Variants in TACR1 observed in about 807,000 individuals in gnomAD.
TACR1 encodes tachykinin receptor 1, also known as substance-P receptor.
A neutral mutation model predicts 35.8 loss-of-function variants in TACR1; 25 were observed. That is an observed-to-expected ratio of 0.70 (90% confidence interval 0.51 to 0.98). TACR1 has a LOEUF of 0.98. Ranked by LOEUF, TACR1 falls within the 50% of genes least tolerant of loss-of-function variation. The pLI is 0.00. For synonymous variants in TACR1, 195 were observed against 206.7 expected (o/e 0.94, Z 0.48); for missense variants, 478 against 522.9 (o/e 0.91, Z 0.84).
At chr2:75,077,412 G>A (rs1378542912) in intron 2 of TACR1, among the ~76,000 whole-genome samples, 1 of 152,192 alleles carries the variant, frequency 6.6e-6, no homozygotes, top group African/African-American at 2.4e-5. Flanking sequence ...GACACCTCCA[G>A]TAAGAAGTTA....
chr2:75,172,565 G>A (rs950078508), intron 1 of TACR1, among the ~76,000 whole-genome samples: 1 of 151,780 alleles, frequency 6.6e-6, no homozygotes, highest in African/African-American at 2.4e-5. Flanking sequence ...TCCCTTCCCT[G>A]TCTTCTCCTT....
intron 1 of TACR1, among the ~76,000 whole-genome samples, chr2:75,143,949 G>A (rs186938126): frequency 3.9e-5 from 6 of 152,300 alleles, no homozygotes; most frequent in South Asian, 2.1e-4. Context: ...ACTTCCAAGC[G>A]TGTAGAGGGA....
intron 2 of TACR1, among the ~76,000 whole-genome samples, chr2:75,101,523 A>G (rs922615600): frequency 6.6e-6 from 1 of 152,176 alleles, no homozygotes; most frequent in Non-Finnish European, 1.5e-5. Context: ...AACTTGCCAA[A>G]GTCACATAGC....
chr2:75,098,637 A>C (rs1474232358), intron 2 of TACR1, among the ~76,000 whole-genome samples: 2 of 152,062 alleles, frequency 1.3e-5, no homozygotes, highest in Non-Finnish European at 2.9e-5. Flanking sequence ...CAGTCCCTGA[A>C]ACCCACATCC....
At chr2:75,198,122 A>C (rs1311238398) in intron 1 of TACR1, among the ~76,000 whole-genome samples, 1 of 152,222 alleles carries the variant, frequency 6.6e-6, no homozygotes, top group Non-Finnish European at 1.5e-5. Flanking sequence ...AGGCTGTCTG[A>C]CAGAAAAACA....
rs1043513661 is a variant in TACR1, at chr2:75,048,036, T to G, written c.*1396A>C. 6.6e-6 allele frequency: 1 copy of G among 152,174 alleles called. No individual in the cohort carries two copies. The highest frequency in any genetic ancestry group is 2.4e-5 in the African/African-American group (1 of 41,444). The allele number at this position is 152,174 out of a possible 1,614,324, so 9.4% of individuals were successfully genotyped here. A position where few individuals can be genotyped will look rare whatever the true frequency, so the allele number is the denominator to read the frequency against. On this transcript the variant is annotated 3_prime_UTR_variant, in exon 5 of 5. Transcript: ENST00000305249. The stretch of plus-strand genomic sequence containing the variant: ...GAAACTCTAAATCTAAATTAGGATA[T>G]AAAGCATTCAGTTCATGGCTCTTGG...
At chr2:75,101,465 T>C (rs1673531945) in intron 2 of TACR1, among the ~76,000 whole-genome samples, 3 of 152,164 alleles carry the variant, frequency 2.0e-5, no homozygotes, top group African/African-American at 7.2e-5. Flanking sequence ...AATATTATTA[T>C]TCCTAATTTT....
intron 2 of TACR1, among the ~76,000 whole-genome samples, chr2:75,068,745 A>G (rs1157673215): frequency 6.6e-6 from 1 of 152,164 alleles, no homozygotes. Context: ...CACAGAGACT[A>G]TTGGGTAAAT....
rs2103772475 is a variant in TACR1, at chr2:75,047,623, T to A, written c.*1809A>T. 1 of 152,330 alleles carries A rather than the reference T, an allele frequency of 6.6e-6. No individual in the cohort carries two copies. Among genetic ancestry groups the A allele is most frequent in the South Asian group, 2.1e-4 (1 of 4,780 alleles). The allele number at this position is 152,330 out of a possible 1,614,324, so 9.4% of individuals were successfully genotyped here. On this transcript the variant is annotated 3_prime_UTR_variant, in exon 5 of 5. Coordinates refer to ENST00000305249, the MANE Select transcript of TACR1 (RefSeq NM_001058.4). ...GATTCTCTATTGGAAGTATGACTAA[T>A]GCTTAGGGCACTAACTTTTGTTGCT...
At chr2:75,131,988 G>T (rs1415273616) in intron 1 of TACR1, among the ~76,000 whole-genome samples, 1 of 152,100 alleles carries the variant, frequency 6.6e-6, no homozygotes, top group Non-Finnish European at 1.5e-5. Flanking sequence ...AAACAAAAAA[G>T]ACATTGAAAT....
chr2:75,079,844 G>T (rs1228747730), intron 2 of TACR1, among the ~76,000 whole-genome samples: 1 of 150,148 alleles, frequency 6.7e-6, no homozygotes, highest in Non-Finnish European at 1.5e-5. Flanking sequence ...ATGTTCTGGA[G>T]TATTGATCCC....
rs115344469 is a variant in TACR1, at chr2:75,066,303, G to A, written c.585-12548C>T. Reference sequence around the variant, plus strand: ...GTTCAAGTCACTCAGGGTTGAAATGGGAATAGAAAACAGATCAGTCCTTGT... The same window carrying A: ...GTTCAAGTCACTCAGGGTTGAAATGAGAATAGAAAACAGATCAGTCCTTGT... On this transcript the variant is annotated intron_variant, in intron 2 of 4. Coordinates refer to ENST00000305249, the MANE Select transcript of TACR1 (RefSeq NM_001058.4). Among the ~76,000 whole-genome samples the A allele has an allele frequency of 2.7e-3, 406 of 152,242 alleles. 6 individuals carry two copies. Among genetic ancestry groups the A allele is most frequent in the African/African-American group, 9.4e-3 (389 of 41,536 alleles).
intron 2 of TACR1, among the ~76,000 whole-genome samples, chr2:75,094,859 A>ATATATATATATATATATATATATATTTT: frequency 8.8e-6 from 1 of 113,134 alleles, no homozygotes; most frequent in Non-Finnish European, 1.7e-5. Context: ...ATATATATAT[A>ATATATATATATATATATATATATATTTT]TTTTTTTTTT....
chr2:75,150,515 C>G (rs1186577923), intron 1 of TACR1, among the ~76,000 whole-genome samples: 3 of 152,160 alleles, frequency 2.0e-5, no homozygotes, highest in African/African-American at 7.2e-5. Flanking sequence ...TCCTCATTTT[C>G]TTTTGCTGCC....
intron 2 of TACR1, among the ~76,000 whole-genome samples, chr2:75,101,301 T>C (rs993160317): frequency 2.0e-5 from 3 of 152,164 alleles, no homozygotes; most frequent in Non-Finnish European, 2.9e-5. Flanking sequence ...TAATAAGTCC[T>C]CTCATTAATG....
intron 1 of TACR1, among the ~76,000 whole-genome samples, chr2:75,124,235 C>T (rs1412080055): frequency 6.6e-6 from 1 of 152,228 alleles, no homozygotes; most frequent in Non-Finnish European, 1.5e-5. Context: ...ATAAAAAGAA[C>T]TCTCTGCTGC....
intron 1 of TACR1, among the ~76,000 whole-genome samples, chr2:75,153,215 G>A (rs755080138): frequency 1.6e-4 from 25 of 152,120 alleles, no homozygotes; most frequent in Non-Finnish European, 2.9e-4. Context: ...CTTCTTATAA[G>A]AGTTCTTTTA....
intron 2 of TACR1, among the ~76,000 whole-genome samples, chr2:75,094,665 G>C (rs748188346): frequency 5.3e-5 from 8 of 151,644 alleles, no homozygotes; most frequent in Non-Finnish European, 8.8e-5. Context: ...GGTGGTGATA[G>C]AGGTGGAGGT....
intron 1 of TACR1, among the ~76,000 whole-genome samples, chr2:75,177,942 C>T (rs963643857): frequency 3.3e-5 from 5 of 152,168 alleles, no homozygotes; most frequent in African/African-American, 4.8e-5. Flanking sequence ...CACCTCCTTC[C>T]TCACCTTCGT....
Sources: allele counts gnomAD v4.1 joint callset (sites outside exome capture counted in the v4.1 genomes callset), GRCh38; gene constraint gnomAD v4.1.1; transcripts MANE v1.5; gene names NCBI Gene and HGNC (gene_info 2026-07-23, HGNC 2026-07-21).